PTPA: variants seen among roughly 807,000 people sequenced by gnomAD.
PTPA encodes protein phosphatase 2 phosphatase activator.
In PTPA, 13 loss-of-function variants were observed where a neutral mutation model predicts 43.6. The ratio of observed to expected loss-of-function variants is 0.30; its 90% CI spans 0.19 to 0.47. The LOEUF (loss-of-function observed/expected upper bound fraction) is 0.47. Ranked by LOEUF, PTPA falls within the 20% of genes least tolerant of loss-of-function variation. The probability of loss-of-function intolerance (pLI) is 0.99; values close to 1 mark genes in which losing one functional copy is unlikely to be tolerated. For missense variants in PTPA, 329 were observed against 411.9 expected, an observed-to-expected ratio of 0.80 and a Z score of 1.74; for synonymous variants, 172 against 158.2, an observed-to-expected ratio of 1.09 and a Z score of -0.66.
At chr9:129,133,709 C>T (rs1317454271) in intron 5 of PTPA, among the ~76,000 whole-genome samples, 1 of 152,222 alleles carries the variant, frequency 6.6e-6, no homozygotes, top group East Asian at 1.9e-4. Flanking sequence ...CCTGCAGTGG[C>T]TCCCTATTGC....
At chr9:129,134,757 C>G (rs1161158891) in intron 5 of PTPA, 38 bp from the exon 6 acceptor site, 1 of 1,511,522 alleles carries the variant, frequency 6.6e-7, no homozygotes, top group Non-Finnish European at 9.2e-7. Context: ...AGTCCTTTAC[C>G]TGGACTACTG....
chr9:129,141,499 CGAG>C (rs150454461), intron 8 of PTPA: 5,885 of 152,286 alleles, frequency 0.039, 362 homozygotes, highest in African/African-American at 0.13. Context: ...GGGGCTGTGT[CGAG>C]GGGAATTATG....
In PTPA at chr9:129,147,376, C is replaced by T. The variant is rs201709885; in HGVS notation, c.895-11C>T. On this transcript the variant is annotated splice_polypyrimidine_tract_variant and intron_variant, in intron 9 of 9. Transcript: ENST00000393370. ...CCCTCACCACTCTGCTCACCTGCTC[C>T]TTCCTCACAGTGCCTGGAGAAGTTC... 6.2e-7 allele frequency: 1 copy of T among 1,613,680 alleles called. No individual in the cohort carries two copies. The highest frequency in any genetic ancestry group is 8.5e-7 in the Non-Finnish European group (1 of 1,179,746).
intron 9 of PTPA, chr9:129,143,367 G>A (rs1290815434): frequency 1.4e-6 from 1 of 703,102 alleles, no homozygotes; most frequent in Non-Finnish European, 2.6e-6. Flanking sequence ...CCTTCTTTCT[G>A]TTCTCAGGCT....
At chr9:129,120,848 C>T (rs1036516915) in intron 2 of PTPA, among the ~76,000 whole-genome samples, 5 of 152,160 alleles carry the variant, frequency 3.3e-5, no homozygotes, top group African/African-American at 9.7e-5. Flanking sequence ...GGGAGAGTTC[C>T]GCTCCTGGTT....
At chr9:129,129,625 A>G (rs532270609) in intron 4 of PTPA, among the ~76,000 whole-genome samples, 155 of 151,612 alleles carry the variant, frequency 1.0e-3, no homozygotes, top group South Asian at 2.5e-3. Flanking sequence ...ACCCACCACC[A>G]CGCCCGGCTA....
chr9:129,112,048 G>GA (rs970095789), intron 1 of PTPA: 6 of 176,894 alleles, frequency 3.4e-5, no homozygotes, highest in African/African-American at 1.4e-4. Context: ...AGGGGATGGG[G>GA]TGGTGCTCCG....
chr9:129,128,544 A>G lies in PTPA; in HGVS notation c.217-441A>G, dbSNP rs1364877602. Reference sequence around the variant, plus strand: ...AGAGCGAAACTCTGTCTCAAAAAAAAAAAAAAAAAGTTTAGTGTATTTCTG... The same window carrying G: ...AGAGCGAAACTCTGTCTCAAAAAAAGAAAAAAAAAGTTTAGTGTATTTCTG... On this transcript the variant is annotated intron_variant, in intron 3 of 9. Coordinates refer to ENST00000393370, the MANE Select transcript of PTPA (RefSeq NM_178000.3). Among the ~76,000 whole-genome samples the G allele has an allele frequency of 2.6e-5, 4 of 152,108 alleles. No individual in the cohort carries two copies. The South Asian group carries it at 8.3e-4, about 32-fold the overall frequency.
At position 129,147,518 on chromosome 9, in the gene PTPA, C is replaced by T; in HGVS notation, c.*54C>T. ...CCACAGTTCCTGTGCCTGCCTTCCC[C>T]ACCCCAGCAGTGGCCCCTCCCCATC... On this transcript the variant is annotated 3_prime_UTR_variant, in exon 10 of 10. Transcript: ENST00000393370. 1.3e-6 allele frequency: 2 copies of T among 1,558,978 alleles called. No individual in the cohort carries two copies. The highest frequency in any genetic ancestry group is 2.2e-5 in the South Asian group (2 of 89,614).
chr9:129,136,635 A>G, intron 7 of PTPA, 40 bp downstream of exon 7: 3 of 1,565,360 alleles, frequency 1.9e-6, no homozygotes, highest in Non-Finnish European at 1.7e-6. Flanking sequence ...ACCCCCAACC[A>G]AGGCTGCGTT....
rs1326651180 is a variant in PTPA, at chr9:129,142,914, A to G, written c.894+362A>G. 5 of 1,472,952 alleles carry G rather than the reference A, an allele frequency of 3.4e-6. No homozygotes were observed. The East Asian group carries it at 1.2e-4, about 37-fold the overall frequency. 91.2% of individuals were successfully genotyped at this position (1,472,952 alleles called of 1,614,324 possible). ...CGGGCAGTCTGAGTCTGGCTCTCCC[A>G]TGGCATACCTGGGAAGGGTCTTACC... On this transcript the variant is annotated intron_variant, in intron 9 of 9. Transcript: ENST00000393370.
chr9:129,141,363 A>G (rs1181937539), intron 8 of PTPA, among the ~76,000 whole-genome samples: 2 of 151,912 alleles, frequency 1.3e-5, no homozygotes, highest in African/African-American at 4.8e-5. Flanking sequence ...TGACACCCGC[A>G]TGTTTCTAGA....
intron 9 of PTPA, among the ~76,000 whole-genome samples, chr9:129,145,402 C>T (rs917947110): frequency 6.6e-6 from 1 of 152,210 alleles, no homozygotes; most frequent in Non-Finnish European, 1.5e-5. Context: ...AGCAACTAGC[C>T]CTTAGTCCTT....
In PTPA at chr9:129,148,411, C is replaced by G. The variant is rs1851431910; in HGVS notation, c.*947C>G. On this transcript the variant is annotated 3_prime_UTR_variant, in exon 10 of 10. Transcript: ENST00000393370. Reference sequence around the variant, plus strand: ...GCTGCTGTGAGCCTCACCCTGGGCCCCTGGGCCCTGCTTCTCTGCTCCCCT... The same window carrying G: ...GCTGCTGTGAGCCTCACCCTGGGCCGCTGGGCCCTGCTTCTCTGCTCCCCT... 1 of 152,922 alleles carries G rather than the reference C, an allele frequency of 6.5e-6. No individual in the cohort carries two copies. The highest frequency in any genetic ancestry group is 1.5e-5 in the Non-Finnish European group (1 of 68,554). 9.5% of individuals were successfully genotyped at this position (152,922 alleles called of 1,614,324 possible).
At chr9:129,122,505 TG>T (rs1849310087) in intron 2 of PTPA, among the ~76,000 whole-genome samples, 2 of 152,308 alleles carry the variant, frequency 1.3e-5, no homozygotes, top group South Asian at 2.1e-4. Context: ...GACCTGTCTG[TG>T]GCAGGCATCT....
At chr9:129,111,305 G>T, upstream of PTPA, 1 of 1,138,644 alleles carries the variant, frequency 8.8e-7, no homozygotes. Flanking sequence ...GCGCTTGGCG[G>T]CCGTTGGCGC....
At chr9:129,112,455 G>C (rs1407580312) in intron 1 of PTPA, among the ~76,000 whole-genome samples, 3 of 152,192 alleles carry the variant, frequency 2.0e-5, no homozygotes, top group African/African-American at 7.2e-5. Context: ...GAAAGCATTT[G>C]ATATTCTTGC....
At chr9:129,137,481 A>G in intron 7 of PTPA, 111 bp from the exon 8 acceptor site, 1 of 741,432 alleles carries the variant, frequency 1.3e-6, no homozygotes. Flanking sequence ...TGAGGTGTTG[A>G]GGGCACCACG....
chr9:129,121,764 CTTCT>C lies in PTPA; in HGVS notation c.129+1157_129+1160del, dbSNP rs1195161187. On this transcript the variant is annotated intron_variant, in intron 2 of 9. Coordinates refer to ENST00000393370, the MANE Select transcript of PTPA (RefSeq NM_178000.3). ...CCAGATTGCTCTAGTTGAGAACCTG[CTTCT>C]TTGTCTGAATCCAAATGTGACACTT... Among the ~76,000 whole-genome samples, 3 of 152,244 alleles carry C rather than the reference CTTCT, an allele frequency of 2.0e-5. No homozygotes were observed. In the South Asian group the frequency reaches 6.2e-4, roughly 31 times the overall value.
Sources: allele counts gnomAD v4.1 joint callset (sites outside exome capture counted in the v4.1 genomes callset), GRCh38; gene constraint gnomAD v4.1.1; transcripts MANE v1.5; gene names NCBI Gene and HGNC (gene_info 2026-07-23, HGNC 2026-07-21).